Variants in ST6GALNAC3 observed in about 807,000 individuals in gnomAD.
ST6GALNAC3 encodes the protein ST6 N-acetylgalactosaminide alpha-2,6-sialyltransferase 3.
Under a neutral mutation model 32.7 loss-of-function variants are expected in ST6GALNAC3, and 25 were observed. That is an observed-to-expected ratio of 0.76 (90% CI 0.56 to 1.07). ST6GALNAC3 has a LOEUF of 1.07. Ranked by LOEUF, ST6GALNAC3 falls within the 50% of genes least tolerant of loss-of-function variation. The pLI is 0.00. For missense variants in ST6GALNAC3, 355 were observed against 382.4 expected, an observed-to-expected ratio of 0.93 and a Z score of 0.60; for synonymous variants, 129 against 133.1, an observed-to-expected ratio of 0.97 and a Z score of 0.21.
chr1:76,522,782 A>G (rs1361164019), intron 3 of ST6GALNAC3, among the ~76,000 whole-genome samples: 2 of 152,164 alleles, frequency 1.3e-5, no homozygotes, highest in African/African-American at 4.8e-5. Flanking sequence ...CGGTGATCAG[A>G]TTAATTTACA....
At chr1:76,400,665 T>C (rs887067215) in intron 2 of ST6GALNAC3, among the ~76,000 whole-genome samples, 1 of 152,080 alleles carries the variant, frequency 6.6e-6, no homozygotes, top group African/African-American at 2.4e-5. Context: ...GGCAGGCAGA[T>C]CACCTGAGGT....
rs558847522 is a variant in ST6GALNAC3, at chr1:76,267,497, C to A, written c.19-46308C>A. Among the ~76,000 whole-genome samples, 303 of 152,224 alleles carry A rather than the reference C, an allele frequency of 2.0e-3. 5 individuals carry two copies. Among genetic ancestry groups the A allele is most frequent in the Non-Finnish European group, 2.9e-4 (20 of 68,010 alleles). ...CCACTCTCACTGCATTTTTTTACCA[C>A]GTTTTCTTCAGAGTCTATCTGAAAA... On this transcript the variant is annotated intron_variant, in intron 1 of 4. Coordinates refer to ENST00000328299, the MANE Select transcript of ST6GALNAC3 (RefSeq NM_152996.4).
At chr1:76,194,921 C>G (rs189396814) in intron 1 of ST6GALNAC3, among the ~76,000 whole-genome samples, 2 of 152,180 alleles carry the variant, frequency 1.3e-5, no homozygotes, top group African/African-American at 2.4e-5. Flanking sequence ...TTCACTCATG[C>G]ATGATTTTGT....
At chr1:76,297,136 T>A (rs756974873) in intron 1 of ST6GALNAC3, among the ~76,000 whole-genome samples, 5 of 151,980 alleles carry the variant, frequency 3.3e-5, no homozygotes, top group Non-Finnish European at 7.4e-5. Flanking sequence ...CTTCTCTCCA[T>A]TTTGCAGTTG....
At chr1:76,342,589 A>C (rs1179565511) in intron 2 of ST6GALNAC3, among the ~76,000 whole-genome samples, 1 of 150,424 alleles carries the variant, frequency 6.6e-6, no homozygotes, top group Non-Finnish European at 1.5e-5. Flanking sequence ...AGTTTCTTGT[A>C]GATTCTGGAT....
chr1:76,303,342 G>A (rs139437502), intron 1 of ST6GALNAC3, among the ~76,000 whole-genome samples: 5 of 152,076 alleles, frequency 3.3e-5, no homozygotes, highest in Non-Finnish European at 7.4e-5. Context: ...GTTTTGCAAA[G>A]GGAGTGGTCT....
chr1:76,396,546 A>C (rs1419945360), intron 2 of ST6GALNAC3, among the ~76,000 whole-genome samples: 1 of 152,190 alleles, frequency 6.6e-6, no homozygotes, highest in Admixed American at 6.5e-5. Flanking sequence ...CCCCTATAAA[A>C]GCCTACCTCT....
intron 3 of ST6GALNAC3, 75 bp from the exon 4 acceptor site, chr1:76,627,376 CT>C (rs1649032305): frequency 1.1e-6 from 1 of 939,374 alleles, no homozygotes; most frequent in African/African-American, 1.7e-5. Flanking sequence ...TTGCTCGTTT[CT>C]CACACACCTT....
chr1:76,335,820 G>C (rs1053799164), intron 2 of ST6GALNAC3, among the ~76,000 whole-genome samples: 1 of 152,102 alleles, frequency 6.6e-6, no homozygotes, highest in Non-Finnish European at 1.5e-5. Flanking sequence ...TGCACCAGGT[G>C]GGTTGACTGA....
At chr1:76,153,482 G>A (rs141537516) in intron 1 of ST6GALNAC3, among the ~76,000 whole-genome samples, 11 of 152,254 alleles carry the variant, frequency 7.2e-5, no homozygotes, top group Non-Finnish European at 1.3e-4. Context: ...CTGCCTGTGC[G>A]TGCGAAATTA....
intron 2 of ST6GALNAC3, among the ~76,000 whole-genome samples, chr1:76,339,603 T>C (rs1174649615): frequency 6.6e-6 from 1 of 152,170 alleles, no homozygotes; most frequent in Non-Finnish European, 1.5e-5. Flanking sequence ...TGTCCCACTA[T>C]AAAATAGGGC....
In ST6GALNAC3 at chr1:76,631,096, G is replaced by A. The variant is rs1649277012; in HGVS notation, c.*2290G>A. On this transcript the variant is annotated 3_prime_UTR_variant, in exon 5 of 5. Coordinates refer to ENST00000328299, the MANE Select transcript of ST6GALNAC3 (RefSeq NM_152996.4). ...GTAGCTTTCTCTGATGAAGACTTCT[G>A]CAGTATATTGTATCCCTCACTCTAT... The A allele has an allele frequency of 1.1e-6, 1 of 894,564 alleles. No homozygotes were observed. The highest frequency in any genetic ancestry group is 6.2e-5 in the Admixed American group (1 of 16,094). The allele number at this position is 894,564 out of a possible 1,614,324, so 55.4% of individuals were successfully genotyped here. A position where few individuals can be genotyped will look rare whatever the true frequency, so the allele number is the denominator to read the frequency against.
chr1:76,238,325 A>C (rs765104185), intron 1 of ST6GALNAC3, among the ~76,000 whole-genome samples: 2 of 152,206 alleles, frequency 1.3e-5, no homozygotes, highest in African/African-American at 4.8e-5. Context: ...AAAATGCATG[A>C]TAAGAAGAGG....
intron 1 of ST6GALNAC3, among the ~76,000 whole-genome samples, chr1:76,118,941 G>A (rs1183134529): frequency 6.6e-6 from 1 of 152,124 alleles, no homozygotes; most frequent in African/African-American, 2.4e-5. Context: ...TCTTGCCTCA[G>A]CCTCCTGAGT....
intron 1 of ST6GALNAC3, among the ~76,000 whole-genome samples, chr1:76,206,742 AT>A (rs1654848365): frequency 1.3e-5 from 2 of 152,082 alleles, no homozygotes; most frequent in Admixed American, 6.5e-5. Context: ...AAAAAAAAAA[AT>A]GCTGTCGTTA....
At chr1:76,089,220 T>G (rs1329741965) in intron 1 of ST6GALNAC3, among the ~76,000 whole-genome samples, 1 of 151,988 alleles carries the variant, frequency 6.6e-6, no homozygotes, top group Non-Finnish European at 1.5e-5. Flanking sequence ...ATTTATTTAT[T>G]TATTTATTTT....
chr1:76,527,494 A>G (rs1662985008), intron 3 of ST6GALNAC3, among the ~76,000 whole-genome samples: 1 of 152,068 alleles, frequency 6.6e-6, no homozygotes, highest in Non-Finnish European at 1.5e-5. Context: ...ATTTCCCTCC[A>G]GTGGATTGAT....
intron 3 of ST6GALNAC3, among the ~76,000 whole-genome samples, chr1:76,524,633 A>G (rs1662752703): frequency 6.6e-6 from 1 of 151,954 alleles, no homozygotes; most frequent in South Asian, 2.1e-4. Context: ...CTTTCTTGGT[A>G]TCTTTCACAT....
At chr1:76,331,117 T>C (rs1647179860) in intron 2 of ST6GALNAC3, among the ~76,000 whole-genome samples, 1 of 152,154 alleles carries the variant, frequency 6.6e-6, no homozygotes, top group South Asian at 2.1e-4. Flanking sequence ...TGCCATTTCT[T>C]TAGAATGCGA....
Sources: allele counts gnomAD v4.1 joint callset (sites outside exome capture counted in the v4.1 genomes callset), GRCh38; gene constraint gnomAD v4.1.1; transcripts MANE v1.5; gene names NCBI Gene and HGNC (gene_info 2026-07-23, HGNC 2026-07-21).